PHACTR1: variants seen among roughly 807,000 people sequenced by gnomAD.
PHACTR1 encodes the protein phosphatase and actin regulator 1, also known as RPEL repeat containing 1.
Under a neutral mutation model 69.2 loss-of-function variants are expected in PHACTR1, and 16 were observed. That is an observed-to-expected ratio of 0.23 (90% CI 0.16 to 0.35). The LOEUF (loss-of-function observed/expected upper bound fraction) is 0.35. Ranked by LOEUF, PHACTR1 falls within the 10% of genes least tolerant of loss-of-function variation. The pLI is 1.00. For synonymous variants in PHACTR1, 312 were observed against 284.5 expected (o/e 1.10, Z -0.97); for missense variants, 510 against 734.7 (o/e 0.69, Z 3.54).
intron 4 of PHACTR1, among the ~76,000 whole-genome samples, chr6:12,835,347 G>T (rs554610400): frequency 6.6e-5 from 10 of 152,216 alleles, no homozygotes; most frequent in African/African-American, 2.4e-4. Flanking sequence ...TAGTTCAGAG[G>T]AGGGTTGGAC....
chr6:12,719,884 A>C (rs987307171), intron 3 of PHACTR1, among the ~76,000 whole-genome samples: 1 of 152,158 alleles, frequency 6.6e-6, no homozygotes, highest in African/African-American at 2.4e-5. Flanking sequence ...TTCATTTCTC[A>C]GAGCATGACC....
intron 5 of PHACTR1, among the ~76,000 whole-genome samples, chr6:13,069,653 C>T (rs1400673917): frequency 6.6e-6 from 1 of 152,102 alleles, no homozygotes; most frequent in African/African-American, 2.4e-5. Flanking sequence ...TTAGATGTCT[C>T]CTAAGTTCAT....
At chr6:12,777,683 G>A (rs1249006105) in intron 4 of PHACTR1, among the ~76,000 whole-genome samples, 2 of 141,008 alleles carry the variant, frequency 1.4e-5, no homozygotes, top group East Asian at 2.3e-4. Flanking sequence ...CCAGGCTGGA[G>A]TACAGTGGTG....
At chr6:13,153,139 G>A (rs891903937) in intron 5 of PHACTR1, among the ~76,000 whole-genome samples, 9 of 152,238 alleles carry the variant, frequency 5.9e-5, no homozygotes, top group Admixed American at 5.2e-4. Flanking sequence ...CCAGCCACAG[G>A]AGAGGCAGTC....
At chr6:13,193,976 C>A (rs893910632) in intron 7 of PHACTR1, among the ~76,000 whole-genome samples, 3 of 152,168 alleles carry the variant, frequency 2.0e-5, no homozygotes, top group Non-Finnish European at 4.4e-5. Flanking sequence ...CAGCACCAGT[C>A]CATGGCTGCA....
intron 10 of PHACTR1, among the ~76,000 whole-genome samples, chr6:13,269,619 T>A (rs1777340470): frequency 6.6e-6 from 1 of 151,990 alleles, no homozygotes; most frequent in African/African-American, 2.4e-5. Context: ...TCACCTAAGG[T>A]CAGGAGTTCA....
At chr6:12,894,894 A>G (rs1483498966) in intron 4 of PHACTR1, among the ~76,000 whole-genome samples, 1 of 152,132 alleles carries the variant, frequency 6.6e-6, no homozygotes, top group Non-Finnish European at 1.5e-5. Flanking sequence ...ATCCTTCCAT[A>G]TTTTTATGCT....
At chr6:13,120,380 T>G (rs112946421) in intron 5 of PHACTR1, among the ~76,000 whole-genome samples, 4,450 of 152,232 alleles carry the variant, frequency 0.029, 212 homozygotes, top group African/African-American at 0.1. Flanking sequence ...AAACCCACAC[T>G]GCTGAGATAG....
intron 4 of PHACTR1, among the ~76,000 whole-genome samples, chr6:12,881,350 G>T (rs1232947129): frequency 7.9e-5 from 12 of 152,176 alleles, no homozygotes; most frequent in African/African-American, 2.9e-4. Context: ...TTGTGGAAGG[G>T]TTGCATTTGG....
At chr6:13,162,159 G>A (rs1008791271) in intron 6 of PHACTR1, among the ~76,000 whole-genome samples, 1 of 152,012 alleles carries the variant, frequency 6.6e-6, no homozygotes, top group African/African-American at 2.4e-5. Flanking sequence ...GAGTGCAATG[G>A]CAGGATCTTA....
Position 13,283,586 on chromosome 6 carries a change from A to G in PHACTR1, c.1650+24A>G, listed in dbSNP as rs2127487567. On this transcript the variant is annotated intron_variant, in intron 13 of 14. Coordinates refer to ENST00000332995, the MANE Select transcript of PHACTR1 (RefSeq NM_030948.6). The surrounding 1 kb of genome is among the most constrained non-coding windows in gnomAD (Gnocchi z 4.7). ...AAGTAAGCAGAGGGGAGTGCTGGAGAGTGGGAGGCAGGACCGTCTGCTGGG... is the reference window on the plus strand; with the variant it reads ...AAGTAAGCAGAGGGGAGTGCTGGAGGGTGGGAGGCAGGACCGTCTGCTGGG... 6.2e-7 allele frequency: 1 copy of G among 1,613,544 alleles called. No homozygotes were observed. The highest frequency in any genetic ancestry group is 2.2e-5 in the East Asian group (1 of 44,874).
chr6:13,102,254 A>G (rs1815283558), intron 5 of PHACTR1, among the ~76,000 whole-genome samples: 1 of 152,348 alleles, frequency 6.6e-6, no homozygotes, highest in Admixed American at 6.5e-5. Flanking sequence ...AAGTACAATC[A>G]AGTTTCAGAC....
intron 3 of PHACTR1, among the ~76,000 whole-genome samples, chr6:12,744,700 T>C (rs989438109): frequency 7.9e-5 from 12 of 152,180 alleles, no homozygotes; most frequent in Non-Finnish European, 2.9e-5. Flanking sequence ...AATAAAAGAA[T>C]AGCTATTCCA....
chr6:13,192,368 A>T (rs1763713470), intron 7 of PHACTR1, among the ~76,000 whole-genome samples: 1 of 152,218 alleles, frequency 6.6e-6, no homozygotes, highest in African/African-American at 2.4e-5. Context: ...AAGGACACAC[A>T]GGCACGTGGG....
intron 4 of PHACTR1, among the ~76,000 whole-genome samples, chr6:12,796,521 T>G (rs959669569): frequency 6.6e-6 from 1 of 152,266 alleles, no homozygotes; most frequent in African/African-American, 2.4e-5. Flanking sequence ...GTCTTGATTT[T>G]TTGACTTGTG....
intron 4 of PHACTR1, among the ~76,000 whole-genome samples, chr6:12,950,412 C>G (rs1192428460): frequency 6.6e-6 from 1 of 152,204 alleles, no homozygotes; most frequent in African/African-American, 2.4e-5. Context: ...CCAGCCTACT[C>G]AGATTCAGAG....
intron 4 of PHACTR1, among the ~76,000 whole-genome samples, chr6:12,850,065 C>T (rs1338899750): frequency 6.6e-6 from 1 of 152,162 alleles, no homozygotes; most frequent in Non-Finnish European, 1.5e-5. Flanking sequence ...GTCCTTTCTC[C>T]TGCCATGTCA....
In PHACTR1 at chr6:13,073,331, ATTTTTTTTTT is replaced by A. The variant is rs10664160; in HGVS notation, c.415+19823_415+19832del. Among the ~76,000 whole-genome samples the A allele has an allele frequency of 1.2e-4, 8 of 65,692 alleles. 1 individual carries two copies. Among genetic ancestry groups the A allele is most frequent in the African/African-American group, 4.1e-4 (6 of 14,716 alleles). The allele number at this position is 65,692 out of a possible 152,430, so 43.1% of individuals were successfully genotyped here. A position where few individuals can be genotyped will look rare whatever the true frequency, so the allele number is the denominator to read the frequency against. On this transcript the variant is annotated intron_variant, in intron 5 of 14. Coordinates refer to ENST00000332995, the MANE Select transcript of PHACTR1 (RefSeq NM_030948.6). ...ATTCCTTCAACCAATCATTCCATGA[ATTTTTTTTTT>A]TTTTTTTTTTTTTTTTTTTTGAGAC...
At chr6:12,827,333 C>T (rs564026846) in intron 4 of PHACTR1, among the ~76,000 whole-genome samples, 9 of 152,262 alleles carry the variant, frequency 5.9e-5, no homozygotes, top group African/African-American at 2.2e-4. Context: ...GATGAAAGCT[C>T]CATCCCTAGA....
Sources: allele counts gnomAD v4.1 joint callset (sites outside exome capture counted in the v4.1 genomes callset), GRCh38; gene constraint gnomAD v4.1.1; non-coding constraint Gnocchi (gnomAD v3.1); transcripts MANE v1.5; gene names NCBI Gene and HGNC (gene_info 2026-07-23, HGNC 2026-07-21).